DACH1: variants seen among roughly 807,000 people sequenced by gnomAD.
DACH1 encodes dachshund family transcription factor 1, also known as dachshund homolog 1.
In DACH1, 12 loss-of-function variants were observed where a neutral mutation model predicts 54.2. The observed-to-expected ratio is 0.22, with a 90% CI of 0.14 to 0.36. DACH1 has a LOEUF of 0.36. DACH1 is among the 10% of genes least tolerant of loss of function. The pLI is 1.00. For synonymous variants in DACH1, 386 were observed against 366.2 expected (o/e 1.05, Z -0.62); for missense variants, 805 against 929.8 (o/e 0.87, Z 1.75).
rs1384097095 is a variant in DACH1, at chr13:71,733,866, A to G, written c.849-51956T>C. Among the ~76,000 whole-genome samples the G allele has an allele frequency of 2.0e-5, 3 of 152,040 alleles. No individual in the cohort carries two copies. In the East Asian group the frequency reaches 5.8e-4, roughly 29 times the overall value. On this transcript the variant is annotated intron_variant, in intron 1 of 10. Coordinates refer to ENST00000613252, the MANE Select transcript of DACH1 (RefSeq NM_080759.6). ...AACCAAAGCACAGTCAGTGGCCAAC[A>G]TGGTGAAACCCTTCTCTACTAAAAA...
In DACH1 at chr13:71,557,056, C is replaced by G; in HGVS notation, c.1538G>C (p.Gly513Ala). ...AATATGCATCCTTTTTGACTCATGTCCCATGTCATGACCGGCCAAATCTCC... is the reference window on the plus strand; with the variant it reads ...AATATGCATCCTTTTTGACTCATGTGCCATGTCATGACCGGCCAAATCTCC... The part of the protein sequence containing the change: ...KEGDLAGHDM[G>A]HESKRMHIEK... The change falls in exon 6 of 11, where the codon GGA becomes GCA. Residue 513 changes from glycine (G) to alanine (A), a missense_variant. This residue lies in a region of DACH1 where 472 missense variants were observed against 545.3 expected (regional missense o/e 0.87). Transcript: ENST00000613252. The G allele has an allele frequency of 1.9e-6, 3 of 1,609,498 alleles. No individual in the cohort carries two copies. The highest frequency in any genetic ancestry group is 1.7e-6 in the Non-Finnish European group (2 of 1,177,930).
Position 71,441,070 on chromosome 13 carries a change from G to A in DACH1, c.2084-378C>T, listed in dbSNP as rs532900798. 6.6e-5 allele frequency among the ~76,000 whole-genome samples: 10 copies of A among 152,084 alleles called. No homozygotes were observed. The East Asian group carries it at 1.5e-3, about 23-fold the overall frequency. ...AAATTTTCTCTGAATGCACTCAGGT[G>A]TATCTCCATCAGGAAAGACTGAACT... On this transcript the variant is annotated intron_variant, in intron 10 of 10. Transcript: ENST00000613252.
At chr13:71,468,261 C>T (rs1032591350) in intron 10 of DACH1, among the ~76,000 whole-genome samples, 1 of 152,124 alleles carries the variant, frequency 6.6e-6, no homozygotes, top group African/African-American at 2.4e-5. Context: ...AAATTTAATA[C>T]TAACATCTAA....
At chr13:71,479,097 A>C (rs995339613) in intron 8 of DACH1, 72 bp downstream of exon 8, 2 of 1,337,160 alleles carry the variant, frequency 1.5e-6, no homozygotes, top group Non-Finnish European at 2.0e-6. Context: ...TTTCAAAATA[A>C]ATCACCATCA....
chr13:71,815,036 A>G (rs1887856207), intron 1 of DACH1, among the ~76,000 whole-genome samples: 1 of 152,188 alleles, frequency 6.6e-6, no homozygotes, highest in African/African-American at 2.4e-5. Context: ...ATCAAGAACA[A>G]AATGCAACCG....
chr13:71,505,678 A>C (rs568647433), intron 6 of DACH1, among the ~76,000 whole-genome samples: 149 of 152,284 alleles, frequency 9.8e-4, no homozygotes, highest in African/African-American at 3.5e-3. Context: ...AGCTTTAGGC[A>C]AATAAATAAG....
At chr13:71,759,579 C>T (rs1257871393) in intron 1 of DACH1, among the ~76,000 whole-genome samples, 1 of 151,894 alleles carries the variant, frequency 6.6e-6, no homozygotes, top group Non-Finnish European at 1.5e-5. Flanking sequence ...ATTACTAAAC[C>T]AAGAGAAATA....
At chr13:71,819,081 G>A (rs1173410604) in intron 1 of DACH1, among the ~76,000 whole-genome samples, 2 of 152,176 alleles carry the variant, frequency 1.3e-5, no homozygotes, top group African/African-American at 4.8e-5. Context: ...GCTGCCAGGT[G>A]TGGGAGGCCT....
chr13:71,799,398 A>C (rs1887194653), intron 1 of DACH1, among the ~76,000 whole-genome samples: 1 of 152,148 alleles, frequency 6.6e-6, no homozygotes, highest in Non-Finnish European at 1.5e-5. Context: ...CCCTATGACA[A>C]GAATTTCTAT....
rs140583520 is a variant in DACH1 at position 71,813,904 on chromosome 13, G to A, written c.848+52018C>T. 5.8e-3 allele frequency among the ~76,000 whole-genome samples: 890 copies of A among 152,240 alleles called. 35 individuals are homozygous for A. Among genetic ancestry groups the A allele is most frequent in the East Asian group, 1.5e-3 (8 of 5,180 alleles). ...TGAAGATATCTATCCAATGTGAAAT[G>A]CCAATTTGGGGGCAAAATGATGGCT... On this transcript the variant is annotated intron_variant, in intron 1 of 10. Coordinates refer to ENST00000613252, the MANE Select transcript of DACH1 (RefSeq NM_080759.6).
intron 6 of DACH1, among the ~76,000 whole-genome samples, chr13:71,492,085 G>GT (rs763888359): frequency 3.3e-4 from 50 of 150,378 alleles, no homozygotes; most frequent in East Asian, 9.7e-4. Flanking sequence ...GTAATTTCTT[G>GT]TTTTTTTTTG....
At chr13:71,756,997 CTGTT>C (rs111275086) in intron 1 of DACH1, among the ~76,000 whole-genome samples, 1,824 of 152,216 alleles carry the variant, frequency 0.012, 35 homozygotes, top group African/African-American at 0.041. Context: ...TATACTGTGA[CTGTT>C]TGATTTTTGT....
intron 2 of DACH1, among the ~76,000 whole-genome samples, chr13:71,651,134 G>A (rs1211336708): frequency 6.6e-6 from 1 of 152,082 alleles, no homozygotes; most frequent in East Asian, 1.9e-4. Flanking sequence ...GAAGAAAAAT[G>A]CAAAATATAG....
chr13:71,866,458 G>C lies in DACH1; in HGVS notation c.312C>G (p.Cys104Trp). ...TGCTCGCGGCCGCCAGGTTGGGGTTGCAGTTGCTGCCACCGCCGCCGCCGC... is the reference window on the plus strand; with the variant it reads ...TGCTCGCGGCCGCCAGGTTGGGGTTCCAGTTGCTGCCACCGCCGCCGCCGC... ...GGGGGGGGSN[C>W]NPNLAAASNG... Residue 104 changes from cysteine (C) to tryptophan (W), a missense_variant, in exon 1 of 11, where the codon TGC becomes TGG. This residue lies in a region of DACH1 where 305 missense variants were observed against 308.7 expected (regional missense o/e 0.99). Coordinates refer to ENST00000613252, the MANE Select transcript of DACH1 (RefSeq NM_080759.6). The C allele has an allele frequency of 7.7e-7, 1 of 1,304,570 alleles. No individual in the cohort carries two copies. Among genetic ancestry groups the C allele is most frequent in the Non-Finnish European group, 9.8e-7 (1 of 1,023,926 alleles). 80.8% of individuals were successfully genotyped at this position (1,304,570 alleles called of 1,614,324 possible).
chr13:71,515,544 G>T (rs1040838238), intron 6 of DACH1, among the ~76,000 whole-genome samples: 4 of 151,888 alleles, frequency 2.6e-5, no homozygotes, highest in African/African-American at 9.7e-5. Context: ...TAGATGTGTA[G>T]ATTTGTATTT....
rs1435252166 is a variant in DACH1 at position 71,657,015 on chromosome 13, C to T, written c.964+24780G>A. Among the ~76,000 whole-genome samples, 256 of 103,604 alleles carry T rather than the reference C, an allele frequency of 2.5e-3. 2 individuals are homozygous for T. Among genetic ancestry groups the T allele is most frequent in the African/African-American group, 0.018 (245 of 13,812 alleles). The allele number at this position is 103,604 out of a possible 152,430, so 68.0% of individuals were successfully genotyped here. ...GTACAGGTATGTGTATATATATATACACACACACACATATATATACATAAA... is the reference window on the plus strand; with the variant it reads ...GTACAGGTATGTGTATATATATATATACACACACACATATATATACATAAA... On this transcript the variant is annotated intron_variant, in intron 2 of 10. Coordinates refer to ENST00000613252, the MANE Select transcript of DACH1 (RefSeq NM_080759.6).
chr13:71,680,296 T>C lies in DACH1; in HGVS notation c.964+1499A>G, dbSNP rs117831022. On this transcript the variant is annotated intron_variant, in intron 2 of 10. Transcript: ENST00000613252. ...AAAATATTTTCATGGAATTTTCAAT[T>C]ATTTACTATTAAAAACCTTTGGTGG... Among the ~76,000 whole-genome samples the C allele has an allele frequency of 4.5e-3, 690 of 152,256 alleles. 3 individuals are homozygous for C. Among genetic ancestry groups the C allele is most frequent in the East Asian group, 0.024 (123 of 5,174 alleles).
chr13:71,641,343 C>A (rs906334978), intron 2 of DACH1, among the ~76,000 whole-genome samples: 4 of 151,966 alleles, frequency 2.6e-5, no homozygotes, highest in Non-Finnish European at 5.9e-5. Context: ...GGGCTAGGAA[C>A]AATATACATG....
intron 1 of DACH1, among the ~76,000 whole-genome samples, chr13:71,812,714 T>G (rs537252573): frequency 1.3e-4 from 20 of 152,302 alleles, no homozygotes; most frequent in African/African-American, 4.8e-4. Context: ...TATGCTATTA[T>G]TTAACTTGAG....
Sources: allele counts gnomAD v4.1 joint callset (sites outside exome capture counted in the v4.1 genomes callset), GRCh38; gene constraint gnomAD v4.1.1; regional missense constraint gnomAD v4.1.1; transcripts MANE v1.5; gene names NCBI Gene and HGNC (gene_info 2026-07-23, HGNC 2026-07-21).